Variants in MAPRE1 observed in about 807,000 individuals in gnomAD.
MAPRE1 encodes microtubule-associated protein RP/EB family member 1.
Under a neutral mutation model 32.1 loss-of-function variants are expected in MAPRE1, and 5 were observed. The ratio of observed to expected loss-of-function variants is 0.16; its 90% CI spans 0.08 to 0.33. The LOEUF (loss-of-function observed/expected upper bound fraction) is 0.33. Ranked by LOEUF, MAPRE1 falls within the 10% of genes least tolerant of loss-of-function variation. MAPRE1 has a pLI of 1.00. For synonymous variants in MAPRE1, 122 were observed against 118.9 expected (o/e 1.03, Z -0.17); for missense variants, 209 against 327.2 (o/e 0.64, Z 2.79).
In MAPRE1 at chr20:32,848,834, C is replaced by T. The variant is rs1983575240; in HGVS notation, c.*106C>T. On this transcript the variant is annotated 3_prime_UTR_variant, in exon 7 of 7. Transcript: ENST00000375571. ...CTTAGAGGACTCACTGGTTTCTTTTCATAAGCAAAAAGTACCTCTTCTTAA... is the reference window on the plus strand; with the variant it reads ...CTTAGAGGACTCACTGGTTTCTTTTTATAAGCAAAAAGTACCTCTTCTTAA... The T allele has an allele frequency of 1.1e-6, 1 of 947,246 alleles. No individual in the cohort carries two copies. The highest frequency in any genetic ancestry group is 1.9e-5 in the South Asian group (1 of 53,088). 58.7% of individuals were successfully genotyped at this position (947,246 alleles called of 1,614,324 possible).
chr20:32,826,820 A>G (rs955589712), intron 2 of MAPRE1, among the ~76,000 whole-genome samples: 1 of 151,928 alleles, frequency 6.6e-6, no homozygotes, highest in Non-Finnish European at 1.5e-5. Context: ...CCTGGTTGGA[A>G]CTATACTTAA....
At chr20:32,837,552 C>CT (rs1983235527) in intron 4 of MAPRE1, among the ~76,000 whole-genome samples, 1 of 152,112 alleles carries the variant, frequency 6.6e-6, no homozygotes, top group African/African-American at 2.4e-5. Context: ...CTAATTTCTT[C>CT]TTTTCCAGAG....
intron 2 of MAPRE1, 147 bp downstream of exon 2, chr20:32,826,195 G>C: frequency 5.3e-6 from 3 of 567,288 alleles, no homozygotes; most frequent in Non-Finnish European, 2.8e-6. Context: ...CCCTGCCTTT[G>C]CTTCTGCTTC....
At chr20:32,834,422 A>G (rs1983127722) in intron 3 of MAPRE1, among the ~76,000 whole-genome samples, 1 of 152,248 alleles carries the variant, frequency 6.6e-6, no homozygotes, top group Admixed American at 6.5e-5. Flanking sequence ...GGCATGGTTT[A>G]GCACAAACAT....
chr20:32,830,933 C>T (rs1310656807), intron 2 of MAPRE1, among the ~76,000 whole-genome samples: 2 of 151,996 alleles, frequency 1.3e-5, no homozygotes, highest in African/African-American at 4.8e-5. Flanking sequence ...ACCGTGTTTG[C>T]CAGGATGGTC....
intron 1 of MAPRE1, 64 bp from the exon 2 acceptor site, chr20:32,825,861 A>G: frequency 7.1e-7 from 1 of 1,414,780 alleles, no homozygotes; most frequent in Non-Finnish European, 9.6e-7. Context: ...TCTCTAGGAA[A>G]CACTTGACCT....
intron 6 of MAPRE1, 35 bp downstream of exon 6, chr20:32,846,805 T>G (rs780652162): frequency 6.2e-7 from 1 of 1,607,818 alleles, no homozygotes; most frequent in Non-Finnish European, 8.5e-7. Context: ...TTCTTTCCAT[T>G]TTACATAGAA....
chr20:32,846,637 C>A lies in MAPRE1; in HGVS notation c.617C>A (p.Thr206Asn), dbSNP rs759774837. Residue 206 changes from threonine to asparagine, a missense_variant, in exon 6 of 7, where the codon ACT becomes AAT. Physicochemically the swap from Thr to Asn is moderately conservative, Grantham distance 65. Coordinates refer to ENST00000375571, the MANE Select transcript of MAPRE1 (RefSeq NM_012325.3). ...LMQQVNVLKL[T>N]VEDLEKERDF... is the part of the protein sequence containing the mutation. ...GTGCAGGTCAACGTATTGAAACTTACTGTTGAAGACTTGGAGAAAGAGAGG... is the reference window on the plus strand; with the variant it reads ...GTGCAGGTCAACGTATTGAAACTTAATGTTGAAGACTTGGAGAAAGAGAGG... 1 of 1,613,896 alleles carries A rather than the reference C, an allele frequency of 6.2e-7. No homozygotes were observed. The highest frequency in any genetic ancestry group is 1.1e-5 in the South Asian group (1 of 91,070).
At chr20:32,833,463 T>G (rs1314879173) in intron 2 of MAPRE1, among the ~76,000 whole-genome samples, 2 of 152,196 alleles carry the variant, frequency 1.3e-5, no homozygotes, top group African/African-American at 4.8e-5. Context: ...AACAGGAGTT[T>G]TAAAATTTTG....
intron 5 of MAPRE1, among the ~76,000 whole-genome samples, chr20:32,844,838 C>T (rs755744197): frequency 4.6e-5 from 7 of 152,318 alleles, no homozygotes; most frequent in East Asian, 3.9e-4. Context: ...GTCTGCTTCC[C>T]GCTGGGGCTG....
At chr20:32,828,104 A>G (rs967271357) in intron 2 of MAPRE1, among the ~76,000 whole-genome samples, 1 of 152,136 alleles carries the variant, frequency 6.6e-6, no homozygotes, top group Non-Finnish European at 1.5e-5. Context: ...ACAGTAACAC[A>G]GTGGTGCCCA....
At chr20:32,820,173 G>C (rs1802763770) in intron 1 of MAPRE1, 145 bp downstream of exon 1, 1 of 150,954 alleles carries the variant, frequency 6.6e-6, no homozygotes. Context: ...GAAGGGCGGG[G>C]CCGTCACCCG....
chr20:32,849,429 A>T lies in MAPRE1; in HGVS notation c.*701A>T, dbSNP rs1225688982. 2.0e-5 allele frequency: 3 copies of T among 152,236 alleles called. No homozygotes were observed. In the East Asian group the frequency reaches 5.8e-4, roughly 29 times the overall value. The allele number at this position is 152,236 out of a possible 1,614,324, so 9.4% of individuals were successfully genotyped here. ...ATGTGTTTCAGCCCTGAGATGTTACAGTTGAAGAGCTTGGTTTTCATTGAG... is the reference window on the plus strand; with the variant it reads ...ATGTGTTTCAGCCCTGAGATGTTACTGTTGAAGAGCTTGGTTTTCATTGAG... On this transcript the variant is annotated 3_prime_UTR_variant, in exon 7 of 7. Transcript: ENST00000375571.
In MAPRE1 at chr20:32,828,214, T is replaced by G. The variant is rs369954088; in HGVS notation, c.121+2166T>G. 3.6e-4 allele frequency among the ~76,000 whole-genome samples: 55 copies of G among 152,286 alleles called. No individual in the cohort carries two copies. The East Asian group carries it at 9.3e-3, about 26-fold the overall frequency. ...GTCCCCCCCACCATTTTCTATTAGTTTCCTCATTATTCATTTCCCTATCCC... is the reference window on the plus strand; with the variant it reads ...GTCCCCCCCACCATTTTCTATTAGTGTCCTCATTATTCATTTCCCTATCCC... On this transcript the variant is annotated intron_variant, in intron 2 of 6. Coordinates refer to ENST00000375571, the MANE Select transcript of MAPRE1 (RefSeq NM_012325.3).
chr20:32,823,994 C>T (rs1982772515), intron 1 of MAPRE1, among the ~76,000 whole-genome samples: 2 of 152,234 alleles, frequency 1.3e-5, no homozygotes, highest in Admixed American at 1.3e-4. Context: ...AGAGCCCTAT[C>T]TCTAGAGCTT....
intron 1 of MAPRE1, among the ~76,000 whole-genome samples, chr20:32,820,891 C>G (rs1982678462): frequency 6.6e-6 from 1 of 152,212 alleles, no homozygotes; most frequent in South Asian, 2.1e-4. Flanking sequence ...GATGGCATGT[C>G]TCTAACAGTA....
chr20:32,845,032 TATGA>T (rs869190898), intron 5 of MAPRE1, among the ~76,000 whole-genome samples: 4,691 of 105,720 alleles, frequency 0.044, 90 homozygotes, highest in Non-Finnish European at 0.061. Flanking sequence ...TGTATGTATG[TATGA>T]ATGAATGAAT....
At chr20:32,825,242 C>T (rs974527693) in intron 1 of MAPRE1, among the ~76,000 whole-genome samples, 4 of 152,054 alleles carry the variant, frequency 2.6e-5, no homozygotes, top group African/African-American at 9.6e-5. Flanking sequence ...TAACTTTGGG[C>T]TGATGTTTTC....
At chr20:32,845,008 TA>T (rs1983466309) in intron 5 of MAPRE1, among the ~76,000 whole-genome samples, 1 of 134,716 alleles carries the variant, frequency 7.4e-6, no homozygotes, top group Admixed American at 6.9e-5. Context: ...TGTATGTATG[TA>T]TGTATGTATG....
Sources: gnomAD v4.1 joint callset for allele counts (sites outside exome capture counted in the v4.1 genomes callset) on GRCh38, gnomAD v4.1.1 for gene constraint, MANE v1.5 for transcripts, NCBI Gene and HGNC (gene_info 2026-07-23, HGNC 2026-07-21) for gene names.